Variants in TUB observed in about 807,000 individuals in gnomAD.
The protein encoded by TUB is TUB bipartite transcription factor.
TUB carries 33 observed loss-of-function variants against 59.7 expected under a neutral mutation model. The ratio of observed to expected loss-of-function variants is 0.55; its 90% CI spans 0.42 to 0.74. The LOEUF is 0.74. Ranked by LOEUF, TUB falls within the 30% of genes least tolerant of loss-of-function variation. TUB has a pLI of 0.00. For missense variants in TUB, 659 were observed against 672.0 expected, an observed-to-expected ratio of 0.98 and a Z score of 0.21; for synonymous variants, 293 against 256.4, an observed-to-expected ratio of 1.14 and a Z score of -1.36.
At chr11:8,075,087 T>C (rs1047275116) in intron 2 of TUB, among the ~76,000 whole-genome samples, 2 of 150,310 alleles carry the variant, frequency 1.3e-5, no homozygotes, top group East Asian at 3.9e-4. Context: ...AAAGGATGCT[T>C]AGTGATCCAT....
chr11:8,039,514 C>T, intron 1 of TUB: 2 of 718,360 alleles, frequency 2.8e-6, no homozygotes, highest in South Asian at 3.1e-5. Context: ...TCACGTAACT[C>T]ACCTACTGAG....
intron 2 of TUB, among the ~76,000 whole-genome samples, chr11:8,070,744 C>G (rs1564910153): frequency 1.3e-5 from 2 of 152,158 alleles, no homozygotes; most frequent in Admixed American, 1.3e-4. Flanking sequence ...ATTCCAGACC[C>G]AAAAGTCTGC....
chr11:8,081,197 C>A (rs1272128714), upstream of TUB, among the ~76,000 whole-genome samples: 13 of 151,486 alleles, frequency 8.6e-5, no homozygotes, highest in Non-Finnish European at 1.8e-4. Context: ...GGCAGGCCGC[C>A]GCTGCCACGC....
At chr11:8,028,158 A>G (rs1433581501) in intron 1 of TUB, among the ~76,000 whole-genome samples, 1 of 152,212 alleles carries the variant, frequency 6.6e-6, no homozygotes, top group Non-Finnish European at 1.5e-5. Flanking sequence ...AGTATAGTCT[A>G]GGAAGTGGTA....
intron 11 of TUB, 83 bp downstream of exon 11, chr11:8,101,080 T>A: frequency 6.7e-7 from 1 of 1,484,456 alleles, no homozygotes; most frequent in Admixed American, 1.8e-5. Context: ...TAGCCCTGCC[T>A]ACACTGGCTA....
intron 2 of TUB, 112 bp from the exon 3 acceptor site, chr11:8,089,957 G>A: frequency 7.1e-7 from 1 of 1,406,520 alleles, no homozygotes; most frequent in Non-Finnish European, 9.4e-7. Flanking sequence ...CAAGTGTTGG[G>A]GTGCCAAGGA....
chr11:8,045,428 A>T (rs1197581857), intron 2 of TUB, among the ~76,000 whole-genome samples: 2 of 152,178 alleles, frequency 1.3e-5, no homozygotes, highest in South Asian at 2.1e-4. Context: ...TTTTGATTAG[A>T]TGATAAATGT....
intron 9 of TUB, among the ~76,000 whole-genome samples, 193 bp from the exon 10 acceptor site, chr11:8,100,310 T>C (rs555642235): frequency 6.6e-6 from 1 of 152,070 alleles, no homozygotes; most frequent in Non-Finnish European, 1.5e-5. Context: ...GGATGACGCA[T>C]AAGAGGAGCT....
At chr11:8,089,985 A>C in intron 2 of TUB, 84 bp from the exon 3 acceptor site, 1 of 1,465,884 alleles carries the variant, frequency 6.8e-7, no homozygotes, top group Non-Finnish European at 9.0e-7. Context: ...CCTTGGCCCA[A>C]GGTGGGCTGT....
At position 8,074,769 on chromosome 11, in the gene TUB, C is replaced by T. The variant is rs1385354783; in HGVS notation, c.204-14841C>T. Among the ~76,000 whole-genome samples, 6 of 102,238 alleles carry T rather than the reference C, an allele frequency of 5.9e-5. No individual in the cohort carries two copies. The South Asian group carries it at 1.1e-3, about 19-fold the overall frequency. The allele number at this position is 102,238 out of a possible 152,430, so 67.1% of individuals were successfully genotyped here. A position where few individuals can be genotyped will look rare whatever the true frequency, so the allele number is the denominator to read the frequency against. On this transcript the variant is annotated intron_variant, in intron 2 of 12. Transcript: ENST00000305253. ...TTTTTTTTTTTTTTTTTTTTTGAGA[C>T]GGAGTCTCGCTCTGTCACCGAGACT...
intron 3 of TUB, among the ~76,000 whole-genome samples, chr11:8,093,249 G>T (rs376478698): frequency 1.4e-4 from 21 of 152,040 alleles, no homozygotes; most frequent in African/African-American, 4.3e-4. Flanking sequence ...ACTGAGGGGG[G>T]CGAGGGGGAG....
upstream of TUB, chr11:8,038,453 G>A (rs763858000): frequency 9.5e-5 from 23 of 243,160 alleles, no homozygotes; most frequent in Non-Finnish European, 1.5e-4. Flanking sequence ...CACAGAGCTG[G>A]CCGCAGAGAG....
At chr11:8,051,836 T>G (rs942541013) in intron 2 of TUB, among the ~76,000 whole-genome samples, 3 of 152,248 alleles carry the variant, frequency 2.0e-5, no homozygotes, top group Non-Finnish European at 4.4e-5. Flanking sequence ...CCTTTAATCC[T>G]CTGTTATTTG....
At chr11:8,098,486 C>A (rs1333966142) in intron 8 of TUB, among the ~76,000 whole-genome samples, 2 of 152,138 alleles carry the variant, frequency 1.3e-5, no homozygotes, top group African/African-American at 2.4e-5. Context: ...TCCCATGTTC[C>A]CCCAGATAAA....
At chr11:8,061,890 A>G (rs192825633) in intron 2 of TUB, among the ~76,000 whole-genome samples, 292 of 152,052 alleles carry the variant, frequency 1.9e-3, no homozygotes, top group Non-Finnish European at 3.3e-3. Context: ...CCTACTCAAC[A>G]TCCCAGATAG....
upstream of TUB, among the ~76,000 whole-genome samples, chr11:8,080,949 C>A (rs1943542718): frequency 6.6e-6 from 1 of 152,222 alleles, no homozygotes; most frequent in South Asian, 2.1e-4. Context: ...AGGGCAGGTA[C>A]ACAGGGAGGT....
chr11:8,053,853 C>A (rs567468404), intron 2 of TUB, among the ~76,000 whole-genome samples: 2 of 149,988 alleles, frequency 1.3e-5, no homozygotes, highest in South Asian at 4.3e-4. Context: ...CAGTGGCTCA[C>A]GCCTGTAATC....
At chr11:8,072,066 G>A (rs1943369590) in intron 2 of TUB, among the ~76,000 whole-genome samples, 1 of 152,226 alleles carries the variant, frequency 6.6e-6, no homozygotes, top group African/African-American at 2.4e-5. Context: ...AGCGGAGAGG[G>A]TGGTGACAGC....
rs142581008 is a variant in TUB at position 8,028,104 on chromosome 11, G to A, written c.56+8746G>A. On this transcript the variant is annotated intron_variant, in intron 1 of 11. Transcript: ENST00000534099. ...TTCTTCACCTTCTCACCAATAACCT[G>A]TTAATTTCTGGGTTGTTATTATAAT... Among the ~76,000 whole-genome samples, 271 of 152,200 alleles carry A rather than the reference G, an allele frequency of 1.8e-3. 1 individual carries two copies. The highest frequency in any genetic ancestry group is 6.4e-3 in the African/African-American group (267 of 41,508).
Sources: allele counts gnomAD v4.1 joint callset (sites outside exome capture counted in the v4.1 genomes callset), GRCh38; gene constraint gnomAD v4.1.1; transcripts MANE v1.5; gene names NCBI Gene and HGNC (gene_info 2026-07-23, HGNC 2026-07-21).